The following SYT16 variants were observed in gnomAD, a reference collection of about 807,000 sequenced individuals.
The protein encoded by SYT16 is synaptotagmin 16, also known as synaptotagmin-16.
Under a neutral mutation model 61.4 loss-of-function variants are expected in SYT16, and 42 were observed. That is an observed-to-expected ratio of 0.68 (90% CI 0.53 to 0.89). The LOEUF is 0.89. SYT16 is among the 40% of genes least tolerant of loss of function. The probability of loss-of-function intolerance (pLI) is 0.00; values close to 1 mark genes in which losing one functional copy is unlikely to be tolerated. For missense variants in SYT16, 804 were observed against 807.3 expected, an observed-to-expected ratio of 1.00 and a Z score of 0.05; for synonymous variants, 314 against 302.3, an observed-to-expected ratio of 1.04 and a Z score of -0.40.
intron 3 of SYT16, among the ~76,000 whole-genome samples, chr14:62,060,638 T>A (rs1171333941): frequency 6.6e-6 from 1 of 152,024 alleles, no homozygotes; most frequent in African/African-American, 2.4e-5. Context: ...CTTTAGTATC[T>A]TAAACCAACC....
At chr14:61,993,976 G>GGT (rs2052663004) in intron 2 of SYT16, among the ~76,000 whole-genome samples, 1 of 152,140 alleles carries the variant, frequency 6.6e-6, no homozygotes, top group African/African-American at 2.4e-5. Flanking sequence ...GCAGGAGACA[G>GGT]GTGTAAACCT....
At chr14:61,866,222 A>G (rs983928479) in intron 1 of SYT16, among the ~76,000 whole-genome samples, 2 of 152,068 alleles carry the variant, frequency 1.3e-5, no homozygotes, top group Non-Finnish European at 2.9e-5. Flanking sequence ...TTTCTTGGGT[A>G]AATACCTAGG....
chr14:62,022,008 A>G (rs958464889), intron 3 of SYT16, among the ~76,000 whole-genome samples: 3 of 151,520 alleles, frequency 2.0e-5, no homozygotes, highest in African/African-American at 7.3e-5. Flanking sequence ...TAATGGGTTC[A>G]ATAAAAGTTA....
chr14:61,960,046 G>A (rs1353469060), intron 1 of SYT16, among the ~76,000 whole-genome samples: 1 of 152,058 alleles, frequency 6.6e-6, no homozygotes, highest in Non-Finnish European at 1.5e-5. Flanking sequence ...TGCTCAGGCT[G>A]GTCTCGAACT....
intron 1 of SYT16, among the ~76,000 whole-genome samples, chr14:61,909,613 A>G (rs1407595028): frequency 6.6e-6 from 1 of 152,176 alleles, no homozygotes; most frequent in Non-Finnish European, 1.5e-5. Flanking sequence ...TGCTTAACCT[A>G]ATTACATGTC....
At position 62,103,607 on chromosome 14, in the gene SYT16, TCAC is replaced by T. The variant is rs2057460791; in HGVS notation, c.*2903_*2905del. On this transcript the variant is annotated 3_prime_UTR_variant, in exon 8 of 8. Transcript: ENST00000683842. ...ATTGTTGAATTTTTAAATGGACCAT[TCAC>T]CAGGCAGCCGAACACCTGCTCTCCG... 2 of 152,222 alleles carry T rather than the reference TCAC, an allele frequency of 1.3e-5. No homozygotes were observed. Among genetic ancestry groups the T allele is most frequent in the Admixed American group, 1.3e-4 (2 of 15,274 alleles). 9.4% of individuals were successfully genotyped at this position (152,222 alleles called of 1,614,324 possible). A position where few individuals can be genotyped will look rare whatever the true frequency, so the allele number is the denominator to read the frequency against.
chr14:62,011,874 T>TATACACACAC (rs1555370041), intron 3 of SYT16, among the ~76,000 whole-genome samples: 3 of 136,418 alleles, frequency 2.2e-5, no homozygotes, highest in African/African-American at 9.2e-5. Flanking sequence ...ACACTATATA[T>TATACACACAC]ACACACACAC....
At chr14:61,889,333 T>A (rs1048759810) in intron 1 of SYT16, among the ~76,000 whole-genome samples, 9 of 152,232 alleles carry the variant, frequency 5.9e-5, no homozygotes, top group African/African-American at 1.9e-4. Flanking sequence ...GGTGGTCAGA[T>A]GCCAAGGTTG....
rs1452840496 is a variant in SYT16 at position 62,100,634 on chromosome 14, A to G, written c.1865A>G (p.Gln622Arg). 1.2e-6 allele frequency: 2 copies of G among 1,613,734 alleles called. No individual in the cohort carries two copies. The highest frequency in any genetic ancestry group is 1.6e-4 in the Middle Eastern group (1 of 6,082). ...CAGAACAGCAGTGGAGAGGAGGAAC[A>G]AGATCACTGGGAGGAGATGAAGGAA... ...LGQNSSGEEE[Q>R]DHWEEMKETK... The change falls in exon 8 of 8, where the codon CAA becomes CGA. Residue 622 changes from glutamine (Q) to arginine (R), a missense_variant. Coordinates refer to ENST00000683842, the MANE Select transcript of SYT16 (RefSeq NM_001367656.1).
At chr14:61,980,689 C>T (rs2052030795) in intron 2 of SYT16, among the ~76,000 whole-genome samples, 1 of 152,058 alleles carries the variant, frequency 6.6e-6, no homozygotes, top group Non-Finnish European at 1.5e-5. Flanking sequence ...TCCCTACTCT[C>T]TTAGAAATTA....
At chr14:61,877,045 C>T (rs190692358) in intron 1 of SYT16, among the ~76,000 whole-genome samples, 1 of 152,272 alleles carries the variant, frequency 6.6e-6, no homozygotes, top group East Asian at 1.9e-4. Context: ...ACCTTTCTTC[C>T]ACTCAGCAAA....
At chr14:62,021,775 C>A (rs912484803) in intron 3 of SYT16, among the ~76,000 whole-genome samples, 1 of 152,144 alleles carries the variant, frequency 6.6e-6, no homozygotes, top group Non-Finnish European at 1.5e-5. Flanking sequence ...GTGTAAATTT[C>A]TATTTTGTCT....
intron 1 of SYT16, among the ~76,000 whole-genome samples, chr14:61,893,880 G>A (rs559188971): frequency 6.6e-6 from 1 of 152,382 alleles, no homozygotes; most frequent in South Asian, 2.1e-4. Flanking sequence ...CTGAGAGCCT[G>A]TGGCTCCTCT....
intron 3 of SYT16, among the ~76,000 whole-genome samples, chr14:62,043,955 G>C (rs1054579514): frequency 6.6e-6 from 1 of 152,114 alleles, no homozygotes; most frequent in African/African-American, 2.4e-5. Flanking sequence ...TTACAGGCAT[G>C]AACCACCATG....
chr14:61,878,322 A>G (rs2047572999), intron 1 of SYT16, among the ~76,000 whole-genome samples: 1 of 152,218 alleles, frequency 6.6e-6, no homozygotes, highest in South Asian at 2.1e-4. Context: ...TTGCTCAGTT[A>G]TGTAAACGTC....
intron 2 of SYT16, among the ~76,000 whole-genome samples, chr14:61,972,280 ATGG>A (rs2051594396): frequency 6.6e-6 from 1 of 152,210 alleles, no homozygotes; most frequent in South Asian, 2.1e-4. Context: ...GCAAACTATA[ATGG>A]TTATGAGGAA....
intron 1 of SYT16, among the ~76,000 whole-genome samples, chr14:61,839,163 G>A (rs1325268033): frequency 1.3e-5 from 2 of 152,190 alleles, no homozygotes; most frequent in African/African-American, 2.4e-5. Flanking sequence ...TGTTGGAAAC[G>A]TAATCCCCAA....
chr14:61,913,406 CT>C (rs895327349), intron 1 of SYT16, among the ~76,000 whole-genome samples: 30 of 152,072 alleles, frequency 2.0e-4, no homozygotes, highest in Admixed American at 2.0e-3. Context: ...GGATTGGTGG[CT>C]GACCAAAAAA....
chr14:62,018,793 C>T (rs1261763761), intron 3 of SYT16, among the ~76,000 whole-genome samples: 1 of 152,140 alleles, frequency 6.6e-6, no homozygotes, highest in Non-Finnish European at 1.5e-5. Context: ...CTCCACTCTC[C>T]ACCTGTCCCC....
Sources: allele counts gnomAD v4.1 joint callset (sites outside exome capture counted in the v4.1 genomes callset), GRCh38; gene constraint gnomAD v4.1.1; transcripts MANE v1.5; gene names NCBI Gene and HGNC (gene_info 2026-07-23, HGNC 2026-07-21).